HADHB: variants seen among roughly 807,000 people sequenced by gnomAD.
HADHB encodes the protein trifunctional enzyme subunit beta, mitochondrial.
A neutral mutation model predicts 61.9 loss-of-function variants in HADHB; 50 were observed. The observed-to-expected ratio is 0.81, with a 90% CI of 0.64 to 1.02. The LOEUF is 1.02. Ranked by LOEUF, HADHB falls within the 50% of genes least tolerant of loss-of-function variation. The pLI is 0.00. For missense variants in HADHB, 504 were observed against 586.5 expected (o/e 0.86, Z 1.45); for synonymous variants, 191 against 201.6 (o/e 0.95, Z 0.45).
intron 3 of HADHB, among the ~76,000 whole-genome samples, chr2:26,258,173 A>G (rs575289472): frequency 5.9e-5 from 9 of 152,308 alleles, no homozygotes; most frequent in African/African-American, 2.2e-4. Flanking sequence ...AGCTGTTTCA[A>G]TACTTTTATG....
At chr2:26,259,497 C>T (rs1671773805) in intron 3 of HADHB, among the ~76,000 whole-genome samples, 1 of 152,158 alleles carries the variant, frequency 6.6e-6, no homozygotes, top group Non-Finnish European at 1.5e-5. Flanking sequence ...CGTTCCCCTA[C>T]ACTCCCTTGT....
intron 9 of HADHB, 55 bp downstream of exon 9, chr2:26,279,370 C>T (rs1672693036): frequency 8.2e-7 from 1 of 1,224,938 alleles, no homozygotes; most frequent in Admixed American, 1.7e-5. Context: ...GCTCCTAAAA[C>T]TCAAAAACAT....
Position 26,283,055 on chromosome 2 carries a change from G to A in HADHB, c.1061+4G>A. 1 of 1,594,602 alleles carries A rather than the reference G, an allele frequency of 6.3e-7. No homozygotes were observed. Among genetic ancestry groups the A allele is most frequent in the Non-Finnish European group, 8.6e-7 (1 of 1,162,196 alleles). On this transcript the variant is annotated splice_donor_region_variant and intron_variant, in intron 12 of 15. Transcript: ENST00000317799. ...CAAAAGATCAACTATTACTTGGGTA[G>A]GTAGCAGTTTGTATCCTTGGACTAT...
At chr2:26,275,097 C>G (rs1345445919) in intron 6 of HADHB, among the ~76,000 whole-genome samples, 1 of 152,132 alleles carries the variant, frequency 6.6e-6, no homozygotes, top group Non-Finnish European at 1.5e-5. Context: ...GCAGCATCTG[C>G]AGGGAGAGAT....
At chr2:26,271,063 T>A (rs1672323372) in intron 5 of HADHB, among the ~76,000 whole-genome samples, 1 of 150,374 alleles carries the variant, frequency 6.7e-6, no homozygotes, top group Admixed American at 6.6e-5. Flanking sequence ...TTTCTTTTTT[T>A]TTTTTGTATT....
chr2:26,279,168 A>G lies in HADHB; in HGVS notation c.664A>G (p.Thr222Ala), dbSNP rs1347850489. 1 of 1,613,920 alleles carries G rather than the reference A, an allele frequency of 6.2e-7. No individual in the cohort carries two copies. Among genetic ancestry groups the G allele is most frequent in the Non-Finnish European group, 8.5e-7 (1 of 1,179,888 alleles). ...PAVSEFSTSETMGHSADRLAA... is the reference protein window; with the variant it reads ...PAVSEFSTSEAMGHSADRLAA... The stretch of plus-strand genomic sequence containing the variant: ...GGTTTCTGAGTTCTCCACCAGTGAG[A>G]CCATGGGCCACTCTGCAGACCGACT... Residue 222 changes from threonine to alanine, a missense_variant, in exon 9 of 16, where the codon ACC (threonine) becomes GCC (alanine). Coordinates refer to ENST00000317799, the MANE Select transcript of HADHB (RefSeq NM_000183.3).
In HADHB at chr2:26,278,095, CAT is replaced by C. The variant is rs756312994; in HGVS notation, c.443-518_443-517del. 8.8e-4 allele frequency among the ~76,000 whole-genome samples: 134 copies of C among 152,330 alleles called. 1 individual carries two copies. The highest frequency in any genetic ancestry group is 1.6e-3 in the Non-Finnish European group (111 of 68,028). On this transcript the variant is annotated intron_variant, in intron 7 of 15. Coordinates refer to ENST00000317799, the MANE Select transcript of HADHB (RefSeq NM_000183.3). The stretch of plus-strand genomic sequence containing the variant: ...CAAGGCCCAGGTGGGCACCCCACCT[CAT>C]GTGTGGCGGGGAATGATGCCCGTGA...
At chr2:26,260,766 T>C (rs1671828646) in intron 3 of HADHB, 2 of 515,368 alleles carry the variant, frequency 3.9e-6, no homozygotes, top group East Asian at 6.6e-5. Flanking sequence ...CAAGCAGCTC[T>C]AGGGGCCAGC....
Position 26,245,161 on chromosome 2 carries a change from T to C in HADHB, c.-9+171T>C, listed in dbSNP as rs149489812. 346 of 202,628 alleles carry C rather than the reference T, an allele frequency of 1.7e-3. 2 individuals carry two copies. Among genetic ancestry groups the C allele is most frequent in the Middle Eastern group, 0.012 (5 of 430 alleles). 12.6% of individuals were successfully genotyped at this position (202,628 alleles called of 1,614,324 possible). On this transcript the variant is annotated intron_variant, in intron 1 of 15. Coordinates refer to ENST00000317799, the MANE Select transcript of HADHB (RefSeq NM_000183.3). ...CAAGGTCGGCAGTGCTAGCTGCAGT[T>C]AGGACAGTGACTTGGACTAGCGTTC...
chr2:26,282,706 A>G (rs1672841930), intron 10 of HADHB, 139 bp from the exon 11 acceptor site: 6 of 707,756 alleles, frequency 8.5e-6, no homozygotes, highest in Non-Finnish European at 1.3e-5. Flanking sequence ...TGATGGATAC[A>G]GTGAAGTAAG....
In HADHB at chr2:26,290,252, G is replaced by A. The variant is rs560809080; in HGVS notation, c.*299G>A. On this transcript the variant is annotated 3_prime_UTR_variant, in exon 16 of 16. Transcript: ENST00000317799. The stretch of plus-strand genomic sequence containing the variant: ...ATGAGGGTTTGCAGTTGGGAAAGAG[G>A]TCAACTGAGATTTGGAAATCATCTT... The A allele has an allele frequency of 3.6e-5, 16 of 444,798 alleles. No individual in the cohort carries two copies. The highest frequency in any genetic ancestry group is 3.2e-4 in the African/African-American group (16 of 50,624). 27.6% of individuals were successfully genotyped at this position (444,798 alleles called of 1,614,324 possible).
chr2:26,278,935 A>G, intron 8 of HADHB, 134 bp downstream of exon 8: 2 of 985,734 alleles, frequency 2.0e-6, no homozygotes, highest in Admixed American at 3.6e-5. Context: ...CAAGATGGAA[A>G]AAAAAGATAG....
chr2:26,267,911 A>G (rs376230943), intron 4 of HADHB, among the ~76,000 whole-genome samples: 32 of 151,850 alleles, frequency 2.1e-4, no homozygotes, highest in African/African-American at 7.0e-4. Flanking sequence ...AGGCTGAGGT[A>G]GGAGGATTGC....
intron 15 of HADHB, among the ~76,000 whole-genome samples, chr2:26,287,153 G>C (rs1296449095): frequency 6.6e-6 from 1 of 152,046 alleles, no homozygotes; most frequent in Non-Finnish European, 1.5e-5. Flanking sequence ...GCAGTGAGCC[G>C]AGATGGCGCC....
intron 3 of HADHB, among the ~76,000 whole-genome samples, chr2:26,257,979 A>G (rs1366955303): frequency 1.3e-5 from 2 of 151,704 alleles, no homozygotes; most frequent in Admixed American, 6.6e-5. Flanking sequence ...AGATCGTGCC[A>G]CTGTACTCTA....
intron 1 of HADHB, among the ~76,000 whole-genome samples, chr2:26,249,023 C>G (rs946291665): frequency 6.6e-6 from 1 of 151,772 alleles, no homozygotes; most frequent in African/African-American, 2.4e-5. Flanking sequence ...CGCCATTGCA[C>G]TCCAACCTGG....
chr2:26,257,283 G>A (rs1228031144), intron 3 of HADHB, among the ~76,000 whole-genome samples: 2 of 151,902 alleles, frequency 1.3e-5, no homozygotes, highest in Non-Finnish European at 2.9e-5. Context: ...AACACACCTG[G>A]CTAATTTTTT....
chr2:26,248,184 A>G (rs1671238485), intron 1 of HADHB, among the ~76,000 whole-genome samples: 1 of 152,132 alleles, frequency 6.6e-6, no homozygotes, highest in Admixed American at 6.5e-5. Flanking sequence ...TTTTCATTTA[A>G]TATATATTAT....
At chr2:26,282,143 G>T (rs903229591) in intron 10 of HADHB, among the ~76,000 whole-genome samples, 2 of 150,984 alleles carry the variant, frequency 1.3e-5, no homozygotes, top group African/African-American at 2.4e-5. Flanking sequence ...CCCAGAAAAT[G>T]TAAAAATAAA....
Sources: allele counts gnomAD v4.1 joint callset (sites outside exome capture counted in the v4.1 genomes callset), GRCh38; gene constraint gnomAD v4.1.1; transcripts MANE v1.5; gene names NCBI Gene and HGNC (gene_info 2026-07-23, HGNC 2026-07-21).